The following DGKB variants were observed in gnomAD, a reference collection of about 807,000 sequenced individuals.
The protein encoded by DGKB is diacylglycerol kinase beta, also known as 90 kDa diacylglycerol kinase.
DGKB carries 67 observed loss-of-function variants against 114.3 expected under a neutral mutation model. The observed-to-expected ratio is 0.59, with a 90% confidence interval of 0.48 to 0.72. DGKB has a LOEUF of 0.72. Ranked by LOEUF, DGKB falls within the 30% of genes least tolerant of loss-of-function variation. The pLI is 0.00. For synonymous variants in DGKB, 398 were observed against 323.1 expected (o/e 1.23, Z -2.49); for missense variants, 907 against 975.2 (o/e 0.93, Z 0.93).
In DGKB at chr7:14,828,333, G is replaced by A. The variant is rs550383437; in HGVS notation, c.70+12861C>T. Among the ~76,000 whole-genome samples the A allele has an allele frequency of 6.6e-5, 10 of 152,140 alleles. No individual in the cohort carries two copies. The South Asian group carries it at 2.1e-3, about 32-fold the overall frequency. ...ATTAATTCAAAGAGAAGCAAGATGG[G>A]AAGTCAGAGGTTACTGACAACCAAG... On this transcript the variant is annotated intron_variant, in intron 2 of 25. Coordinates refer to ENST00000402815, the MANE Select transcript of DGKB (RefSeq NM_001350709.2).
chr7:14,722,616 A>T (rs1829363463), intron 5 of DGKB, among the ~76,000 whole-genome samples: 1 of 152,120 alleles, frequency 6.6e-6, no homozygotes, highest in Admixed American at 6.6e-5. Context: ...GATCGAGAAC[A>T]TCCTGGCCAA....
chr7:14,622,345 C>T (rs1807816832), intron 14 of DGKB, among the ~76,000 whole-genome samples: 1 of 152,104 alleles, frequency 6.6e-6, no homozygotes, highest in African/African-American at 2.4e-5. Flanking sequence ...GACTCAGCCT[C>T]TTCCTTGGAC....
At chr7:14,826,088 T>C (rs1303119704) in intron 2 of DGKB, among the ~76,000 whole-genome samples, 1 of 152,166 alleles carries the variant, frequency 6.6e-6, no homozygotes, top group Non-Finnish European at 1.5e-5. Context: ...TTGCACGAAG[T>C]AGCAGTGTTA....
chr7:14,771,662 A>T (rs958589684), intron 2 of DGKB, among the ~76,000 whole-genome samples: 1 of 152,002 alleles, frequency 6.6e-6, no homozygotes, highest in Non-Finnish European at 1.5e-5. Flanking sequence ...TTCCAGTCTG[A>T]TTCTGGCATA....
intron 23 of DGKB, among the ~76,000 whole-genome samples, chr7:14,217,136 A>G (rs1386207905): frequency 6.6e-6 from 1 of 152,182 alleles, no homozygotes; most frequent in African/African-American, 2.4e-5. Context: ...TCTAGTCTCT[A>G]AGGAACTCCT....
intron 25 of DGKB, among the ~76,000 whole-genome samples, chr7:14,158,738 T>C (rs764692046): frequency 6.6e-6 from 1 of 152,172 alleles, no homozygotes; most frequent in African/African-American, 2.4e-5. Flanking sequence ...TCAGTTGAAA[T>C]AGTACTGGAT....
chr7:14,660,846 C>T (rs989394329), intron 13 of DGKB, among the ~76,000 whole-genome samples: 1 of 151,904 alleles, frequency 6.6e-6, no homozygotes, highest in Admixed American at 6.6e-5. Context: ...CTACTGGTAC[C>T]AAAACAGAGA....
intron 21 of DGKB, among the ~76,000 whole-genome samples, chr7:14,367,447 G>C (rs1373876861): frequency 2.6e-5 from 4 of 151,998 alleles, no homozygotes; most frequent in Non-Finnish European, 1.5e-5. Context: ...CTGATGCCAT[G>C]TAAGATGTTC....
intron 2 of DGKB, among the ~76,000 whole-genome samples, chr7:14,786,645 G>A (rs1398278020): frequency 1.3e-5 from 2 of 152,174 alleles, no homozygotes; most frequent in African/African-American, 2.4e-5. Context: ...GCTTCTCCTC[G>A]CTCCTGGCAC....
intron 21 of DGKB, among the ~76,000 whole-genome samples, chr7:14,429,858 C>T (rs1001067652): frequency 2.6e-5 from 4 of 151,914 alleles, no homozygotes; most frequent in Admixed American, 1.3e-4. Context: ...ACCCGGAAGG[C>T]GGAGGTTGTA....
intron 1 of DGKB, among the ~76,000 whole-genome samples, chr7:14,908,540 T>C (rs1783827021): frequency 1.3e-5 from 2 of 152,218 alleles, no homozygotes; most frequent in Non-Finnish European, 2.9e-5. Flanking sequence ...ACACTAGCTT[T>C]AAGCCATCTA....
At chr7:14,896,754 G>C (rs923817589) in intron 1 of DGKB, among the ~76,000 whole-genome samples, 1 of 151,698 alleles carries the variant, frequency 6.6e-6, no homozygotes, top group Admixed American at 6.6e-5. Flanking sequence ...CATCCAAATA[G>C]TAAGGATTTT....
chr7:14,479,549 G>T (rs1584268396), intron 20 of DGKB, among the ~76,000 whole-genome samples: 1 of 152,176 alleles, frequency 6.6e-6, no homozygotes, highest in South Asian at 2.1e-4. Flanking sequence ...TATTTAAGAC[G>T]TTATTTTGTT....
intron 23 of DGKB, among the ~76,000 whole-genome samples, chr7:14,283,800 T>A (rs1800363246): frequency 6.6e-6 from 1 of 152,092 alleles, no homozygotes; most frequent in Non-Finnish European, 1.5e-5. Context: ...CTGGGAAAAC[T>A]GGCTAGCCAT....
At chr7:14,167,279 G>C (rs192331054) in intron 25 of DGKB, among the ~76,000 whole-genome samples, 1 of 151,800 alleles carries the variant, frequency 6.6e-6, no homozygotes, top group Admixed American at 6.6e-5. Flanking sequence ...CATGGCAGTG[G>C]AAGGTAATTA....
At chr7:14,926,310 T>A (rs996344866) in intron 1 of DGKB, among the ~76,000 whole-genome samples, 12 of 152,046 alleles carry the variant, frequency 7.9e-5, no homozygotes, top group Non-Finnish European at 1.2e-4. Flanking sequence ...TTGGCATCTG[T>A]TGACTTTCTT....
intron 21 of DGKB, among the ~76,000 whole-genome samples, chr7:14,448,487 G>A (rs1831031154): frequency 6.6e-6 from 1 of 152,020 alleles, no homozygotes; most frequent in Non-Finnish European, 1.5e-5. Context: ...AAAGTGGAAG[G>A]CAGATGGTAG....
chr7:14,592,471 G>C (rs971276648), intron 17 of DGKB, among the ~76,000 whole-genome samples: 1 of 151,890 alleles, frequency 6.6e-6, no homozygotes, highest in Non-Finnish European at 1.5e-5. Flanking sequence ...TATTCTTAAA[G>C]TTACAAGATT....
At chr7:14,558,893 T>C (rs573736566) in intron 20 of DGKB, among the ~76,000 whole-genome samples, 80 of 152,310 alleles carry the variant, frequency 5.3e-4, no homozygotes, top group African/African-American at 1.7e-3. Context: ...GTACCTCAGC[T>C]AAGGCTCTAA....
Sources: gnomAD v4.1 joint callset for allele counts (sites outside exome capture counted in the v4.1 genomes callset) on GRCh38, gnomAD v4.1.1 for gene constraint, MANE v1.5 for transcripts, NCBI Gene and HGNC (gene_info 2026-07-23, HGNC 2026-07-21) for gene names.